The following ZNF385D variants were observed in gnomAD, a reference collection of about 807,000 sequenced individuals.
ZNF385D encodes the protein zinc finger protein 385D, also known as zinc finger protein 659.
Under a neutral mutation model 35.8 loss-of-function variants are expected in ZNF385D, and 15 were observed. The observed-to-expected ratio is 0.42, with a 90% confidence interval of 0.28 to 0.64. The LOEUF (loss-of-function observed/expected upper bound fraction) is 0.64, where lower values mean the gene tolerates loss of function less well. Among genes scored for constraint, ZNF385D ranks in the 30% least tolerant of loss-of-function variants. ZNF385D has a pLI of 0.23. For missense variants in ZNF385D, 474 were observed against 494.6 expected (o/e 0.96, Z 0.39); for synonymous variants, 212 against 186.8 (o/e 1.13, Z -1.10).
intron 4 of ZNF385D, among the ~76,000 whole-genome samples, chr3:21,471,617 G>A (rs1481193505): frequency 1.3e-5 from 2 of 152,042 alleles, no homozygotes; most frequent in African/African-American, 4.8e-5. Flanking sequence ...CCCAGAGGAT[G>A]GAACACAGAG....
chr3:21,757,917 T>C (rs2070420557), intron 3 of ZNF385D, among the ~76,000 whole-genome samples: 1 of 152,198 alleles, frequency 6.6e-6, no homozygotes, highest in South Asian at 2.1e-4. Flanking sequence ...CATAAATATA[T>C]GTTGAGTGAA....
chr3:22,357,217 A>T (rs1696194914), intron 2 of ZNF385D, among the ~76,000 whole-genome samples: 1 of 151,922 alleles, frequency 6.6e-6, no homozygotes, highest in Non-Finnish European at 1.5e-5. Flanking sequence ...AATTGTTTTT[A>T]AGTTTCAGGA....
intron 3 of ZNF385D, among the ~76,000 whole-genome samples, chr3:21,766,122 T>A (rs1182636585): frequency 6.6e-6 from 1 of 152,098 alleles, no homozygotes; most frequent in African/African-American, 2.4e-5. Context: ...GGAAATGAAC[T>A]AATAGTAGTT....
chr3:21,520,761 C>T (rs2125499933), intron 3 of ZNF385D, among the ~76,000 whole-genome samples: 1 of 152,284 alleles, frequency 6.6e-6, no homozygotes, highest in African/African-American at 2.4e-5. Flanking sequence ...CCAGTGATGA[C>T]TCTGCATTTT....
At position 21,564,677 on chromosome 3, in the gene ZNF385D, G is replaced by A. The variant is rs779957623; in HGVS notation, c.173C>T (p.Pro58Leu). The change falls in exon 3 of 8, where the codon CCG becomes CTG. Residue 58 changes from proline to leucine, a missense_variant. By Grantham distance (98) the Pro-to-Leu change is moderately conservative (BLOSUM62 -3). Coordinates refer to ENST00000281523, the MANE Select transcript of ZNF385D (RefSeq NM_024697.3). ...NLFPNFNAMDPIQKAVINHTF... is the reference protein window; with the variant it reads ...NLFPNFNAMDLIQKAVINHTF... ...ATGGTTTATTACAGCTTTCTGAATC[G>A]GGTCCATCTGTAATGAGAAAAAAGA... 9 of 1,550,696 alleles carry A rather than the reference G, an allele frequency of 5.8e-6. No individual in the cohort carries two copies. The highest frequency in any genetic ancestry group is 2.4e-5 in the East Asian group (1 of 42,274).
intron 3 of ZNF385D, among the ~76,000 whole-genome samples, chr3:22,119,952 G>C (rs778071637): frequency 5.9e-5 from 9 of 151,578 alleles, no homozygotes; most frequent in Non-Finnish European, 1.3e-4. Context: ...AAGTAGCTGG[G>C]ACCACAGGCA....
chr3:21,868,301 C>A (rs946824398), intron 3 of ZNF385D, among the ~76,000 whole-genome samples: 1 of 152,034 alleles, frequency 6.6e-6, no homozygotes, highest in Non-Finnish European at 1.5e-5. Context: ...AAAGAGGCAA[C>A]AGGAAAAATT....
intron 3 of ZNF385D, among the ~76,000 whole-genome samples, chr3:22,153,376 CTG>C (rs375861077): frequency 5.3e-5 from 8 of 152,050 alleles, no homozygotes; most frequent in Middle Eastern, 3.4e-3. Flanking sequence ...CAGGCAAACT[CTG>C]TAGTTTGTGC....
rs1373760567 is a variant in ZNF385D at position 21,455,692 on chromosome 3, G to T, written c.440-18489C>A. Among the ~76,000 whole-genome samples, 2 of 152,150 alleles carry T rather than the reference G, an allele frequency of 1.3e-5. 1 individual carries two copies. Among genetic ancestry groups the T allele is most frequent in the Non-Finnish European group, 2.9e-5 (2 of 68,024 alleles). ...TAGGCATGGGGGGCAAGGACTTCCT[G>T]TCTAAAACACCAAAAGCAATGGCAA... On this transcript the variant is annotated intron_variant, in intron 4 of 7. Coordinates refer to ENST00000281523, the MANE Select transcript of ZNF385D (RefSeq NM_024697.3).
intron 1 of ZNF385D, among the ~76,000 whole-genome samples, chr3:21,711,039 G>GTTTTTTGTTTT (rs1269796345): frequency 3.6e-5 from 3 of 83,148 alleles, no homozygotes; most frequent in Non-Finnish European, 6.3e-5. Flanking sequence ...CCCTCTAAAA[G>GTTTTTTGTTTT]TTTTTTTTTT....
At chr3:21,446,096 T>C (rs893579657) in intron 4 of ZNF385D, among the ~76,000 whole-genome samples, 2 of 152,216 alleles carry the variant, frequency 1.3e-5, no homozygotes, top group Non-Finnish European at 2.9e-5. Flanking sequence ...TCAGAGTTTC[T>C]GATTCAGTAT....
At chr3:22,228,551 G>A (rs570052589) in intron 2 of ZNF385D, among the ~76,000 whole-genome samples, 62 of 152,328 alleles carry the variant, frequency 4.1e-4, no homozygotes, top group African/African-American at 1.4e-3. Flanking sequence ...TAAGTGGTCA[G>A]TTAAAATTTA....
At chr3:21,981,659 T>A (rs550787726) in intron 3 of ZNF385D, among the ~76,000 whole-genome samples, 1 of 152,172 alleles carries the variant, frequency 6.6e-6, no homozygotes. Context: ...CAGGGTGGTA[T>A]TGCCTAGATT....
chr3:21,415,749 TATCG>T lies in ZNF385D; in HGVS notation c.*5461_*5464del. The stretch of plus-strand genomic sequence containing the variant: ...CAGTCTGAAAATAACATGACCCCAT[TATCG>T]GCTGTCTTAGTTAACCAAACTCTAA... On this transcript the variant is annotated 3_prime_UTR_variant, in exon 8 of 8. Transcript: ENST00000281523. 1 of 152,130 alleles carries T rather than the reference TATCG, an allele frequency of 6.6e-6. No homozygotes were observed. The highest frequency in any genetic ancestry group is 2.1e-4 in the South Asian group (1 of 4,828). 9.4% of individuals were successfully genotyped at this position (152,130 alleles called of 1,614,324 possible). A position where few individuals can be genotyped will look rare whatever the true frequency, so the allele number is the denominator to read the frequency against.
intron 3 of ZNF385D, among the ~76,000 whole-genome samples, chr3:21,809,382 C>CA (rs60455559): frequency 0.32 from 48,171 of 151,440 alleles, 7,807 homozygotes; most frequent in South Asian, 0.38. Context: ...TAACTGAAAA[C>CA]AAAAAATATA....
At chr3:21,836,500 C>T (rs1022062138) in intron 3 of ZNF385D, among the ~76,000 whole-genome samples, 4 of 152,112 alleles carry the variant, frequency 2.6e-5, no homozygotes, top group East Asian at 1.9e-4. Context: ...TAACACATTA[C>T]AGAGACCTAA....
At chr3:21,919,122 T>A (rs1280365737) in intron 3 of ZNF385D, among the ~76,000 whole-genome samples, 2 of 152,196 alleles carry the variant, frequency 1.3e-5, no homozygotes, top group East Asian at 3.8e-4. Context: ...AGTGTTATTA[T>A]AAATATTGCC....
intron 2 of ZNF385D, among the ~76,000 whole-genome samples, chr3:22,286,701 G>A (rs1575040311): frequency 6.6e-6 from 1 of 152,162 alleles, no homozygotes; most frequent in Non-Finnish European, 1.5e-5. Flanking sequence ...AGCTTTCCAT[G>A]ATTCCTCCTC....
chr3:21,442,887 G>GTGTGTGTA (rs1701937834), intron 4 of ZNF385D, among the ~76,000 whole-genome samples: 1 of 380 alleles, frequency 2.6e-3, no homozygotes, highest in Non-Finnish European at 5.7e-3. Flanking sequence ...CTGTGTATAA[G>GTGTGTGTA]TGTGTGTGTG....
Sources: allele counts gnomAD v4.1 joint callset (sites outside exome capture counted in the v4.1 genomes callset), GRCh38; gene constraint gnomAD v4.1.1; transcripts MANE v1.5; gene names NCBI Gene and HGNC (gene_info 2026-07-23, HGNC 2026-07-21).